Variants in ZNF407 observed in about 807,000 individuals in gnomAD.
ZNF407 encodes zinc finger protein 407.
In ZNF407, 17 loss-of-function variants were observed where a neutral mutation model predicts 131.2. That is an observed-to-expected ratio of 0.13 (90% CI 0.09 to 0.19). The LOEUF (loss-of-function observed/expected upper bound fraction) is 0.19, where lower values mean the gene tolerates loss of function less well. ZNF407 is among the 10% of genes least tolerant of loss of function. The probability of loss-of-function intolerance (pLI) is 1.00; values close to 1 mark genes in which losing one functional copy is unlikely to be tolerated. For missense variants in ZNF407, 2,681 were observed against 2,830.6 expected, an observed-to-expected ratio of 0.95 and a Z score of 1.20; for synonymous variants, 1,156 against 1,062.0, an observed-to-expected ratio of 1.09 and a Z score of -1.72.
At chr18:75,060,455 G>A (rs1973613884) in intron 8 of ZNF407, among the ~76,000 whole-genome samples, 1 of 151,962 alleles carries the variant, frequency 6.6e-6, no homozygotes, top group African/African-American at 2.4e-5. Context: ...TCTCCTGGTA[G>A]TGGAGCTAGT....
At chr18:75,037,534 G>A (rs1338756503) in intron 8 of ZNF407, among the ~76,000 whole-genome samples, 3 of 151,898 alleles carry the variant, frequency 2.0e-5, no homozygotes, top group Non-Finnish European at 2.9e-5. Context: ...TGCTGCCGCC[G>A]CCGAAAATAA....
At chr18:75,020,072 T>C (rs1403877537) in intron 8 of ZNF407, among the ~76,000 whole-genome samples, 1 of 152,142 alleles carries the variant, frequency 6.6e-6, no homozygotes, top group Non-Finnish European at 1.5e-5. Context: ...GTCACAGTGC[T>C]TGTGTTCAAG....
At chr18:74,637,638 G>T (rs547164411) in intron 2 of ZNF407, among the ~76,000 whole-genome samples, 2 of 152,066 alleles carry the variant, frequency 1.3e-5, no homozygotes, top group Admixed American at 1.3e-4. Context: ...TTTTGGGGAA[G>T]TTGGTCTCCA....
In ZNF407 at chr18:75,053,542, T is replaced by A. The variant is rs142561885; in HGVS notation, c.5429-9608T>A. On this transcript the variant is annotated intron_variant, in intron 8 of 8. Transcript: ENST00000299687. ...GGGTTCATGCCTCATAGTTTGTCTT[T>A]TGTTTGATTTTTGTTAAGCTTTATT... Among the ~76,000 whole-genome samples, 98 of 152,322 alleles carry A rather than the reference T, an allele frequency of 6.4e-4. No individual in the cohort carries two copies. In the South Asian group the frequency reaches 0.011, roughly 17 times the overall value.
intron 8 of ZNF407, among the ~76,000 whole-genome samples, chr18:74,966,384 A>G (rs1423463316): frequency 1.3e-5 from 2 of 152,016 alleles, no homozygotes; most frequent in African/African-American, 2.4e-5. Context: ...CTGCATGTGG[A>G]TATCTAGTTT....
intron 3 of ZNF407, among the ~76,000 whole-genome samples, chr18:74,780,621 T>C (rs1339334845): frequency 6.6e-6 from 1 of 152,218 alleles, no homozygotes; most frequent in East Asian, 1.9e-4. Flanking sequence ...GCAAGCCCTT[T>C]TACACTGAAA....
At position 75,064,397 on chromosome 18, in the gene ZNF407, A is replaced by T. The variant is rs767205783; in HGVS notation, c.6676A>T (p.Thr2226Ser). Residue 2226 changes from threonine to serine, a missense_variant, in exon 9 of 9, where the codon ACC becomes TCC. Physicochemically the swap from Thr to Ser is moderately conservative, Grantham distance 58 (BLOSUM62 1). Around this residue, in one of 6 missense-constraint regions of ZNF407, gnomAD observed 620 missense variants for 583.1 expected, o/e 1.06. Coordinates refer to ENST00000299687, the MANE Select transcript of ZNF407 (RefSeq NM_017757.3). ...AEQLASVVIY[T>S]QEGSSAAAAI... ...GCAGCTGGCCAGCGTGGTCATCTAC[A>T]CCCAGGAGGGCTCCTCGGCCGCGGC... 1.3e-6 allele frequency: 2 copies of T among 1,552,130 alleles called. No homozygotes were observed. Among genetic ancestry groups the T allele is most frequent in the Admixed American group, 4.0e-5 (2 of 50,276 alleles).
intron 8 of ZNF407, among the ~76,000 whole-genome samples, chr18:74,944,340 G>A (rs1972131573): frequency 6.6e-6 from 1 of 152,106 alleles, no homozygotes; most frequent in Non-Finnish European, 1.5e-5. Flanking sequence ...AATTGATAAA[G>A]TATCCATGCA....
At chr18:75,028,482 A>G (rs972951933) in intron 8 of ZNF407, among the ~76,000 whole-genome samples, 6 of 152,222 alleles carry the variant, frequency 3.9e-5, no homozygotes, top group African/African-American at 1.2e-4. Flanking sequence ...CTTCAAAGAC[A>G]GTTAAATTCT....
chr18:74,676,603 A>ATTT (rs1555676036), intron 3 of ZNF407, among the ~76,000 whole-genome samples: 3 of 151,030 alleles, frequency 2.0e-5, no homozygotes, highest in Non-Finnish European at 2.9e-5. Flanking sequence ...TGCCCGGGTA[A>ATTT]TTTTGTATTT....
intron 4 of ZNF407, among the ~76,000 whole-genome samples, chr18:74,784,306 G>A (rs1409748460): frequency 1.3e-5 from 2 of 152,152 alleles, no homozygotes; most frequent in African/African-American, 4.8e-5. Flanking sequence ...ATAGAAGTTA[G>A]CTAAATAGGC....
chr18:74,869,195 A>G (rs1000438707), intron 4 of ZNF407, among the ~76,000 whole-genome samples: 2 of 152,258 alleles, frequency 1.3e-5, no homozygotes, highest in African/African-American at 4.8e-5. Flanking sequence ...TTCTTTAAAT[A>G]GTAATATTAG....
At chr18:74,618,562 T>G (rs899856511) in intron 1 of ZNF407, among the ~76,000 whole-genome samples, 2 of 152,194 alleles carry the variant, frequency 1.3e-5, no homozygotes, top group South Asian at 4.1e-4. Context: ...ATAAATGTAT[T>G]TCCATCTAAG....
At chr18:74,876,666 C>A (rs1318219327) in intron 4 of ZNF407, among the ~76,000 whole-genome samples, 1 of 151,862 alleles carries the variant, frequency 6.6e-6, no homozygotes, top group Non-Finnish European at 1.5e-5. Flanking sequence ...TCAAACGAAC[C>A]TTTTTATGTA....
At chr18:75,026,862 C>T (rs985217784) in intron 8 of ZNF407, among the ~76,000 whole-genome samples, 2 of 152,226 alleles carry the variant, frequency 1.3e-5, no homozygotes, top group African/African-American at 4.8e-5. Context: ...TACAGTGGTT[C>T]ATCCATTAAC....
chr18:74,777,730 A>T (rs1005529667), intron 3 of ZNF407, among the ~76,000 whole-genome samples: 1 of 86,496 alleles, frequency 1.2e-5, no homozygotes, highest in South Asian at 4.0e-4. Context: ...GATCGATCGC[A>T]CTCTCTCTCT....
At chr18:75,035,071 T>A (rs553654864) in intron 8 of ZNF407, among the ~76,000 whole-genome samples, 16 of 152,352 alleles carry the variant, frequency 1.1e-4, no homozygotes, top group African/African-American at 3.4e-4. Flanking sequence ...TGTCATCTAA[T>A]ACGGCACTGA....
At chr18:74,997,131 G>C (rs1325287310) in intron 8 of ZNF407, among the ~76,000 whole-genome samples, 2 of 152,222 alleles carry the variant, frequency 1.3e-5, no homozygotes, top group Non-Finnish European at 2.9e-5. Flanking sequence ...CAGGTCACCT[G>C]AATCCAGCTG....
chr18:74,704,103 G>A (rs185703544), intron 3 of ZNF407, among the ~76,000 whole-genome samples: 1 of 152,108 alleles, frequency 6.6e-6, no homozygotes, highest in African/African-American at 2.4e-5. Context: ...ATCTGGTCAG[G>A]CATGGCCATG....
Sources: allele counts gnomAD v4.1 joint callset (sites outside exome capture counted in the v4.1 genomes callset), GRCh38; gene constraint gnomAD v4.1.1; regional missense constraint gnomAD v4.1.1; transcripts MANE v1.5; gene names NCBI Gene and HGNC (gene_info 2026-07-23, HGNC 2026-07-21).